Variants in SUSD6 observed in about 807,000 individuals in gnomAD.
SUSD6 encodes sushi domain-containing protein 6.
A neutral mutation model predicts 28.4 loss-of-function variants in SUSD6; 16 were observed. That is an observed-to-expected ratio of 0.56 (90% CI 0.38 to 0.86). The LOEUF is 0.86. Among genes scored for constraint, SUSD6 ranks in the 40% least tolerant of loss-of-function variants. The pLI is 0.00. For synonymous variants in SUSD6, 147 were observed against 159.6 expected, an observed-to-expected ratio of 0.92 and a Z score of 0.59; for missense variants, 341 against 384.2, an observed-to-expected ratio of 0.89 and a Z score of 0.94.
At chr14:69,662,208 A>G (rs995132619) in intron 2 of SUSD6, among the ~76,000 whole-genome samples, 1 of 152,278 alleles carries the variant, frequency 6.6e-6, no homozygotes. Context: ...GACCCTGGCT[A>G]TATGCGTGTG....
At chr14:69,614,051 T>C (rs1884921367) in intron 1 of SUSD6, among the ~76,000 whole-genome samples, 1 of 152,216 alleles carries the variant, frequency 6.6e-6, no homozygotes, top group South Asian at 2.1e-4. Context: ...GTGTGGTGAT[T>C]GAACTTGTGT....
At chr14:69,634,074 T>C (rs987618591) in intron 1 of SUSD6, among the ~76,000 whole-genome samples, 4 of 152,228 alleles carry the variant, frequency 2.6e-5, no homozygotes, top group African/African-American at 9.6e-5. Context: ...TGGGATTCTC[T>C]TGAAACTCTG....
intron 2 of SUSD6, among the ~76,000 whole-genome samples, chr14:69,667,785 A>G (rs1381734707): frequency 1.3e-5 from 2 of 151,982 alleles, no homozygotes; most frequent in African/African-American, 4.8e-5. Flanking sequence ...CTGAGCTTTG[A>G]TATCTGTACA....
In SUSD6 at chr14:69,713,156, T is replaced by C. The variant is rs1453099390; in HGVS notation, c.*2177T>C. Reference sequence around the variant, plus strand: ...CTTTTTCTATCTTGTTACTCTGGGGTTTTGTCCCCCTAAGAGATTGCACTT... The same window carrying C: ...CTTTTTCTATCTTGTTACTCTGGGGCTTTGTCCCCCTAAGAGATTGCACTT... On this transcript the variant is annotated 3_prime_UTR_variant, in exon 6 of 6. Transcript: ENST00000342745. 6.6e-6 allele frequency: 1 copy of C among 152,140 alleles called. No homozygotes were observed. The highest frequency in any genetic ancestry group is 2.4e-5 in the African/African-American group (1 of 41,410). The allele number at this position is 152,140 out of a possible 1,614,324, so 9.4% of individuals were successfully genotyped here.
chr14:69,635,764 T>G (rs1427054261), intron 1 of SUSD6, among the ~76,000 whole-genome samples: 1 of 152,246 alleles, frequency 6.6e-6, no homozygotes, highest in Non-Finnish European at 1.5e-5. Flanking sequence ...AGAGTAAATC[T>G]TTTTCTGGCA....
chr14:69,651,791 A>C (rs1885507221), intron 1 of SUSD6, among the ~76,000 whole-genome samples: 1 of 152,178 alleles, frequency 6.6e-6, no homozygotes, highest in African/African-American at 2.4e-5. Flanking sequence ...AGGAGTACAG[A>C]GGGGAGATGT....
At chr14:69,649,297 C>G (rs1885470765) in intron 1 of SUSD6, among the ~76,000 whole-genome samples, 1 of 152,138 alleles carries the variant, frequency 6.6e-6, no homozygotes, top group Non-Finnish European at 1.5e-5. Flanking sequence ...ACACAGAGCC[C>G]TAAGAAGTCA....
chr14:69,704,802 A>T, intron 4 of SUSD6, 60 bp downstream of exon 4: 1 of 1,571,752 alleles, frequency 6.4e-7, no homozygotes, highest in Non-Finnish European at 8.7e-7. Flanking sequence ...TGTGGGGGCC[A>T]GTCTTTGGTG....
At chr14:69,646,041 C>T (rs377034274) in intron 1 of SUSD6, among the ~76,000 whole-genome samples, 7 of 152,278 alleles carry the variant, frequency 4.6e-5, no homozygotes, top group African/African-American at 1.4e-4. Context: ...TGAGCCACTG[C>T]GCCTGGCCTC....
At chr14:69,626,012 C>A (rs1885109345) in intron 1 of SUSD6, among the ~76,000 whole-genome samples, 2 of 152,170 alleles carry the variant, frequency 1.3e-5, no homozygotes, top group South Asian at 2.1e-4. Flanking sequence ...GAACAATCTG[C>A]CTGTTTGTGG....
chr14:69,662,498 A>G (rs529758312), intron 2 of SUSD6, among the ~76,000 whole-genome samples: 1 of 152,336 alleles, frequency 6.6e-6, no homozygotes, highest in East Asian at 1.9e-4. Context: ...AAAAGGTGTT[A>G]GAGAGGCATT....
At chr14:69,620,031 G>A (rs757811922) in intron 1 of SUSD6, among the ~76,000 whole-genome samples, 2 of 152,248 alleles carry the variant, frequency 1.3e-5, no homozygotes, top group Non-Finnish European at 2.9e-5. Flanking sequence ...CAGAAAGCCG[G>A]TGAACAGAGT....
chr14:69,642,150 G>C (rs1193030270), intron 1 of SUSD6, among the ~76,000 whole-genome samples: 1 of 152,142 alleles, frequency 6.6e-6, no homozygotes. Flanking sequence ...CTTGCTGGGT[G>C]CTGGAACTTT....
chr14:69,612,796 A>T (rs902770288), intron 1 of SUSD6, among the ~76,000 whole-genome samples: 1 of 152,184 alleles, frequency 6.6e-6, no homozygotes, highest in Non-Finnish European at 1.5e-5. Flanking sequence ...AAGATTACTC[A>T]GTTCAATTAG....
intron 2 of SUSD6, among the ~76,000 whole-genome samples, chr14:69,677,635 G>C (rs1403160923): frequency 6.6e-6 from 1 of 152,102 alleles, no homozygotes; most frequent in East Asian, 1.9e-4. Context: ...GAGTGGGTGG[G>C]GTGGGTGGCA....
intron 2 of SUSD6, among the ~76,000 whole-genome samples, chr14:69,670,906 C>G (rs1031275622): frequency 2.6e-5 from 4 of 152,256 alleles, no homozygotes; most frequent in Non-Finnish European, 4.4e-5. Context: ...TACTGTATTC[C>G]CTAAACTAAT....
chr14:69,632,681 T>G (rs1595034667), intron 1 of SUSD6, among the ~76,000 whole-genome samples: 1 of 148,080 alleles, frequency 6.8e-6, no homozygotes, highest in Non-Finnish European at 1.5e-5. Context: ...ACTGGGCAGA[T>G]GGGAAGGATG....
intron 1 of SUSD6, among the ~76,000 whole-genome samples, chr14:69,613,652 A>G (rs1428914415): frequency 6.6e-6 from 1 of 152,214 alleles, no homozygotes; most frequent in Non-Finnish European, 1.5e-5. Flanking sequence ...GTTTTGGTTT[A>G]TGTTGTTAGC....
intron 2 of SUSD6, among the ~76,000 whole-genome samples, chr14:69,682,970 T>C (rs1886019562): frequency 6.9e-6 from 1 of 145,350 alleles, no homozygotes; most frequent in Non-Finnish European, 1.5e-5. Flanking sequence ...TTTTTTTTTT[T>C]TCACTTGGGG....
Sources: allele counts gnomAD v4.1 joint callset (sites outside exome capture counted in the v4.1 genomes callset), GRCh38; gene constraint gnomAD v4.1.1; transcripts MANE v1.5; gene names NCBI Gene and HGNC (gene_info 2026-07-23, HGNC 2026-07-21).